SLC25A24: variants seen among roughly 807,000 people sequenced by gnomAD.
SLC25A24 encodes the protein mitochondrial adenyl nucleotide antiporter SLC25A24.
SLC25A24 carries 49 observed loss-of-function variants against 60.7 expected under a neutral mutation model. That is an observed-to-expected ratio of 0.81 (90% CI 0.64 to 1.02). The LOEUF (loss-of-function observed/expected upper bound fraction) is 1.02, where lower values mean the gene tolerates loss of function less well. Among genes scored for constraint, SLC25A24 ranks in the 50% least tolerant of loss-of-function variants. The pLI is 0.00. For synonymous variants in SLC25A24, 202 were observed against 200.6 expected, an observed-to-expected ratio of 1.01 and a Z score of -0.06; for missense variants, 564 against 586.3, an observed-to-expected ratio of 0.96 and a Z score of 0.39.
In SLC25A24 at chr1:108,184,646, T is replaced by C. The variant is rs549206836; in HGVS notation, c.310+1182A>G. Among the ~76,000 whole-genome samples the C allele has an allele frequency of 1.1e-4, 17 of 152,356 alleles. No individual in the cohort carries two copies. The East Asian group carries it at 2.5e-3, about 22-fold the overall frequency. The stretch of plus-strand genomic sequence containing the variant: ...GCCAAATAAGGTGTATTAACTATCT[T>C]TGTAAATAAAGTTTTATTGGAAATC... On this transcript the variant is annotated intron_variant, in intron 2 of 9. Transcript: ENST00000565488.
chr1:108,181,893 C>A, intron 3 of SLC25A24, 48 bp downstream of exon 3: 1 of 1,309,812 alleles, frequency 7.6e-7, no homozygotes, highest in East Asian at 2.3e-5. Context: ...AGTTCTAATG[C>A]AGAATATTAA....
At chr1:108,184,463 A>T (rs1648049894) in intron 2 of SLC25A24, among the ~76,000 whole-genome samples, 1 of 152,248 alleles carries the variant, frequency 6.6e-6, no homozygotes, top group African/African-American at 2.4e-5. Flanking sequence ...CAATAGTACT[A>T]CTTTCCAACC....
intron 1 of SLC25A24, among the ~76,000 whole-genome samples, chr1:108,194,665 G>C (rs1268777648): frequency 6.6e-6 from 1 of 152,052 alleles, no homozygotes; most frequent in East Asian, 1.9e-4. Flanking sequence ...TATTCCCCAT[G>C]CACCTACACA....
intron 7 of SLC25A24, among the ~76,000 whole-genome samples, chr1:108,146,511 C>T (rs914493529): frequency 6.6e-6 from 1 of 152,196 alleles, no homozygotes. Context: ...AAAGGGAATG[C>T]TTCCAGCTTT....
At chr1:108,159,958 C>T (rs2101616821) in intron 4 of SLC25A24, among the ~76,000 whole-genome samples, 1 of 152,222 alleles carries the variant, frequency 6.6e-6, no homozygotes, top group East Asian at 1.9e-4. Context: ...GTCATCATGG[C>T]CCGTTCTCAA....
At chr1:108,165,392 G>A (rs1489697572) in intron 3 of SLC25A24, among the ~76,000 whole-genome samples, 1 of 150,304 alleles carries the variant, frequency 6.7e-6, no homozygotes, top group Non-Finnish European at 1.5e-5. Flanking sequence ...TGACAGTGGG[G>A]TGTGAAAGTC....
intron 1 of SLC25A24, among the ~76,000 whole-genome samples, chr1:108,187,507 T>C (rs1430187185): frequency 6.6e-6 from 1 of 152,012 alleles, no homozygotes; most frequent in Non-Finnish European, 1.5e-5. Context: ...ATTAATGATA[T>C]TATGAAAAGC....
chr1:108,146,900 G>A (rs775876602), intron 7 of SLC25A24, among the ~76,000 whole-genome samples: 22 of 152,178 alleles, frequency 1.4e-4, no homozygotes, highest in Non-Finnish European at 2.6e-4. Flanking sequence ...TCTCTGCCAG[G>A]TTTTAGTATC....
chr1:108,198,354 G>C (rs1335935611), intron 1 of SLC25A24: 3 of 152,102 alleles, frequency 2.0e-5, no homozygotes, highest in Non-Finnish European at 4.4e-5. Flanking sequence ...AGTGAAAATG[G>C]GTCTAAGGTT....
intron 3 of SLC25A24, among the ~76,000 whole-genome samples, chr1:108,163,177 A>AAC (rs1558016353): frequency 1.1e-4 from 10 of 90,182 alleles, no homozygotes; most frequent in African/African-American, 2.1e-4. Context: ...TACCAGTACC[A>AAC]TGCTGGTTTG....
At chr1:108,152,497 C>T (rs1035226403) in intron 6 of SLC25A24, among the ~76,000 whole-genome samples, 3 of 152,100 alleles carry the variant, frequency 2.0e-5, no homozygotes, top group Non-Finnish European at 2.9e-5. Context: ...ATCCTGAGTA[C>T]AGGCACACAC....
At chr1:108,187,568 T>TA (rs1648175169) in intron 1 of SLC25A24, among the ~76,000 whole-genome samples, 1 of 152,100 alleles carries the variant, frequency 6.6e-6, no homozygotes, top group Admixed American at 6.6e-5. Context: ...AAAAACAACT[T>TA]ATTAAAAACT....
intron 4 of SLC25A24, among the ~76,000 whole-genome samples, chr1:108,160,395 G>C (rs1449492455): frequency 6.6e-6 from 1 of 151,440 alleles, no homozygotes; most frequent in African/African-American, 2.4e-5. Flanking sequence ...CCAGACGATG[G>C]GCGGCCGGGC....
At chr1:108,166,895 C>T (rs372537468) in intron 3 of SLC25A24, among the ~76,000 whole-genome samples, 30 of 151,962 alleles carry the variant, frequency 2.0e-4, no homozygotes, top group Admixed American at 1.4e-3. Context: ...AGTTTTTCTG[C>T]TCTGTTTTTT....
chr1:108,169,231 C>T (rs1266378951), intron 3 of SLC25A24, among the ~76,000 whole-genome samples: 3 of 152,180 alleles, frequency 2.0e-5, no homozygotes, highest in Non-Finnish European at 4.4e-5. Flanking sequence ...CCCTTGGTAT[C>T]TGATAGGGCA....
chr1:108,138,325 G>T (rs1300171828), intron 9 of SLC25A24, among the ~76,000 whole-genome samples: 1 of 152,234 alleles, frequency 6.6e-6, no homozygotes, highest in East Asian at 1.9e-4. Context: ...CTGGCACTTG[G>T]AAGGGAGGTT....
intron 4 of SLC25A24, among the ~76,000 whole-genome samples, chr1:108,160,024 A>G (rs1017457526): frequency 4.0e-5 from 6 of 151,856 alleles, no homozygotes; most frequent in African/African-American, 1.5e-4. Context: ...GGGGCTCCTC[A>G]CTTCCCTGTA....
chr1:108,172,343 C>A (rs1223109041), intron 3 of SLC25A24, among the ~76,000 whole-genome samples: 1 of 152,178 alleles, frequency 6.6e-6, no homozygotes, highest in African/African-American at 2.4e-5. Context: ...TTTAAACGAA[C>A]ACCTGAGACT....
intron 3 of SLC25A24, among the ~76,000 whole-genome samples, chr1:108,167,789 T>G (rs903190657): frequency 6.6e-6 from 1 of 152,208 alleles, no homozygotes; most frequent in South Asian, 2.1e-4. Flanking sequence ...ACCAGAGCTG[T>G]TCCTATTCAG....
Sources: gnomAD v4.1 joint callset for allele counts (sites outside exome capture counted in the v4.1 genomes callset) on GRCh38, gnomAD v4.1.1 for gene constraint, MANE v1.5 for transcripts, NCBI Gene and HGNC (gene_info 2026-07-23, HGNC 2026-07-21) for gene names.